GLI2: variants seen among roughly 807,000 people sequenced by gnomAD.
The protein encoded by GLI2 is GLI family zinc finger 2, also known as transcription activator GLI2.
In GLI2, 22 loss-of-function variants were observed where a neutral mutation model predicts 78.9. The observed-to-expected ratio is 0.28, with a 90% CI of 0.20 to 0.40. The LOEUF is 0.40. Among genes scored for constraint, GLI2 ranks in the 10% least tolerant of loss-of-function variants. The pLI is 1.00. For missense variants in GLI2, 2,097 were observed against 2,213.2 expected (o/e 0.95, Z 1.05); for synonymous variants, 974 against 963.7 (o/e 1.01, Z -0.20).
intron 11 of GLI2, 72 bp from the exon 12 acceptor site, chr2:120,984,399 A>G (rs1682866572): frequency 1.3e-6 from 2 of 1,511,782 alleles, no homozygotes; most frequent in African/African-American, 1.4e-5. Flanking sequence ...GCTTCAGGAG[A>G]ACAGGGAGAG....
At chr2:120,973,086 T>C (rs1240823129) in intron 8 of GLI2, among the ~76,000 whole-genome samples, 1 of 152,168 alleles carries the variant, frequency 6.6e-6, no homozygotes, top group Non-Finnish European at 1.5e-5. Context: ...GAGCATCCTT[T>C]ATCAAAACTG....
chr2:120,850,463 C>T (rs1687349000), intron 2 of GLI2, among the ~76,000 whole-genome samples: 2 of 152,206 alleles, frequency 1.3e-5, no homozygotes, highest in Admixed American at 1.3e-4. Flanking sequence ...AGCTCTCAGG[C>T]AGATGGGAGG....
chr2:120,979,060 C>T (rs570261766), intron 10 of GLI2, among the ~76,000 whole-genome samples: 1 of 152,306 alleles, frequency 6.6e-6, no homozygotes, highest in Admixed American at 6.5e-5. Flanking sequence ...TCATTGCAGC[C>T]TCCACCTCCT....
rs370693310 is a variant in GLI2, at chr2:120,951,302, C to T, written c.314C>T (p.Pro105Leu). ...ISDISLIRLSPHPAGPGESPF... is the reference protein window; with the variant it reads ...ISDISLIRLSLHPAGPGESPF... The stretch of plus-strand genomic sequence containing the variant: ...GACATCTCCTTGATCCGGCTTTCCC[C>T]GCACCCGGCTGGCCCTGGGGAGTCC... Residue 105 changes from proline to leucine, a missense_variant, in exon 4 of 14, where the codon CCG becomes CTG. By Grantham distance (98) the Pro-to-Leu change is moderately conservative. Around this residue, in one of 5 missense-constraint regions of GLI2, gnomAD observed 578 missense variants for 612.0 expected, o/e 0.94. Coordinates refer to ENST00000361492, the MANE Select transcript of GLI2 (RefSeq NM_001374353.1). The T allele has an allele frequency of 1.9e-5, 31 of 1,611,584 alleles. No homozygotes were observed. The highest frequency in any genetic ancestry group is 3.3e-5 in the Admixed American group (2 of 60,008).
At chr2:120,857,625 C>CCCATCCAT (rs1687722623) in intron 2 of GLI2, among the ~76,000 whole-genome samples, 1 of 151,106 alleles carries the variant, frequency 6.6e-6, no homozygotes, top group Non-Finnish European at 1.5e-5. Context: ...TACTCATCAA[C>CCCATCCAT]CCATCCATCC....
At chr2:120,939,582 C>A (rs555468398) in intron 3 of GLI2, among the ~76,000 whole-genome samples, 4 of 152,330 alleles carry the variant, frequency 2.6e-5, no homozygotes, top group African/African-American at 9.6e-5. Context: ...TCTTCGGGAA[C>A]TTGCTTTCAT....
chr2:120,878,971 C>T (rs1688903301), intron 2 of GLI2, among the ~76,000 whole-genome samples: 1 of 152,028 alleles, frequency 6.6e-6, no homozygotes. Flanking sequence ...TCCTCCAGCT[C>T]ACCCCTTCTT....
At chr2:120,773,127 T>A (rs1029250035) in intron 1 of GLI2, among the ~76,000 whole-genome samples, 1 of 152,192 alleles carries the variant, frequency 6.6e-6, no homozygotes, top group African/African-American at 2.4e-5. Flanking sequence ...GACAAACAAC[T>A]TTGTGGTGAC....
In GLI2 at chr2:120,984,410, C is replaced by T. The variant is rs530697907; in HGVS notation, c.1633-61C>T. Reference sequence around the variant, plus strand: ...GGTAGCTTCAGGAGAACAGGGAGAGCGCCCCTTCAGAGTTGATCCTCGTAC... The same window carrying T: ...GGTAGCTTCAGGAGAACAGGGAGAGTGCCCCTTCAGAGTTGATCCTCGTAC... On this transcript the variant is annotated intron_variant, in intron 11 of 13. Transcript: ENST00000361492. 1.2e-4 allele frequency: 185 copies of T among 1,546,800 alleles called. 2 individuals are homozygous for T. In the South Asian group the frequency reaches 1.8e-3, roughly 15 times the overall value.
At chr2:120,764,290 T>A (rs1177680910) in intron 1 of GLI2, among the ~76,000 whole-genome samples, 1 of 152,236 alleles carries the variant, frequency 6.6e-6, no homozygotes, top group Non-Finnish European at 1.5e-5. Context: ...ATCTCAAGAC[T>A]GTCCAGAGGA....
chr2:120,798,676 ACT>A (rs1296141509), intron 2 of GLI2, among the ~76,000 whole-genome samples: 1 of 144,270 alleles, frequency 6.9e-6, no homozygotes, highest in Non-Finnish European at 1.6e-5. Context: ...TTGGACGGGG[ACT>A]CTCTAGGCCC....
At chr2:120,976,698 G>A (rs879535559) in intron 9 of GLI2, among the ~76,000 whole-genome samples, 12 of 152,200 alleles carry the variant, frequency 7.9e-5, no homozygotes, top group Non-Finnish European at 1.3e-4. Context: ...GAATGCGGAG[G>A]GTCCCCAAAC....
At chr2:120,790,913 G>A (rs1008814625) in intron 1 of GLI2, among the ~76,000 whole-genome samples, 7 of 152,112 alleles carry the variant, frequency 4.6e-5, no homozygotes, top group Admixed American at 1.3e-4. Flanking sequence ...TGGAGAAGAA[G>A]AAAATGGGAG....
chr2:120,768,441 G>T (rs1683430812), intron 1 of GLI2, among the ~76,000 whole-genome samples: 1 of 152,236 alleles, frequency 6.6e-6, no homozygotes, highest in South Asian at 2.1e-4. Context: ...TGTCCAGCTG[G>T]CCTGCAGGCT....
chr2:120,787,822 C>T (rs1483347723), intron 1 of GLI2, among the ~76,000 whole-genome samples: 88 of 152,252 alleles, frequency 5.8e-4, no homozygotes, highest in African/African-American at 2.0e-3. Flanking sequence ...CAGGGCTCTC[C>T]AGGGAGGAAG....
At chr2:120,980,404 T>C (rs751254971) in intron 10 of GLI2, among the ~76,000 whole-genome samples, 1 of 152,246 alleles carries the variant, frequency 6.6e-6, no homozygotes, top group Non-Finnish European at 1.5e-5. Context: ...GTTAAACATC[T>C]TTTCAGGTGC....
chr2:120,753,858 G>A (rs1032583084), intron 1 of GLI2, among the ~76,000 whole-genome samples: 7 of 150,740 alleles, frequency 4.6e-5, no homozygotes, highest in African/African-American at 1.2e-4. Flanking sequence ...GGCTCACGCG[G>A]TGAGCCGAGA....
chr2:120,986,490 G>A lies in GLI2; in HGVS notation c.2118G>A (p.Met706Ile), dbSNP rs987095648. 6 of 1,614,092 alleles carry A rather than the reference G, an allele frequency of 3.7e-6. No homozygotes were observed. The highest frequency in any genetic ancestry group is 1.3e-5 in the African/African-American group (1 of 75,052). Reference protein sequence around the residue: ...SAGGLQLRKHMTTMHRFEQLK... With the variant: ...SAGGLQLRKHITTMHRFEQLK... ...GTGGCCTCCAGCTGCGCAAACACAT[G>A]ACCACCATGCACCGGTTCGAGCAGC... The change falls in exon 13 of 14, where the codon ATG becomes ATA. Residue 706 changes from methionine (M) to isoleucine (I), a missense_variant. Physicochemically the swap from Met to Ile is conservative, Grantham distance 10 (BLOSUM62 1). Around this residue, in one of 5 missense-constraint regions of GLI2, gnomAD observed 1,290 missense variants for 1,261.7 expected, o/e 1.02. Coordinates refer to ENST00000361492, the MANE Select transcript of GLI2 (RefSeq NM_001374353.1).
At chr2:120,969,721 A>G (rs1682040738) in intron 6 of GLI2, among the ~76,000 whole-genome samples, 1 of 152,166 alleles carries the variant, frequency 6.6e-6, no homozygotes, top group African/African-American at 2.4e-5. Context: ...GCCCCCTCAC[A>G]GCGCTCTCAG....
Sources: gnomAD v4.1 joint callset for allele counts (sites outside exome capture counted in the v4.1 genomes callset) on GRCh38, gnomAD v4.1.1 for gene constraint, gnomAD v4.1.1 regional missense constraint, MANE v1.5 for transcripts, NCBI Gene and HGNC (gene_info 2026-07-23, HGNC 2026-07-21) for gene names.